The following AIRE variants were observed in gnomAD, a reference collection of about 807,000 sequenced individuals.
AIRE encodes autoimmune regulator.
AIRE carries 52 observed loss-of-function variants against 62.1 expected under a neutral mutation model. The ratio of observed to expected loss-of-function variants is 0.84; its 90% CI spans 0.67 to 1.06. The LOEUF (loss-of-function observed/expected upper bound fraction) is 1.06, where lower values mean the gene tolerates loss of function less well. Ranked by LOEUF, AIRE falls within the 50% of genes least tolerant of loss-of-function variation. The probability of loss-of-function intolerance (pLI) is 0.00; values close to 1 mark genes in which losing one functional copy is unlikely to be tolerated. For missense variants in AIRE, 774 were observed against 755.8 expected, an observed-to-expected ratio of 1.02 and a Z score of -0.28; for synonymous variants, 342 against 321.6, an observed-to-expected ratio of 1.06 and a Z score of -0.68.
At chr21:44,288,296 G>T in intron 4 of AIRE, 49 bp from the exon 5 acceptor site, 1 of 1,404,244 alleles carries the variant, frequency 7.1e-7, no homozygotes, top group Non-Finnish European at 1.0e-6. Flanking sequence ...GTATGTGCTT[G>T]GGAACAGTCT....
rs1308455198 is a variant in AIRE, at chr21:44,285,910, C to T, written c.-97C>T. On this transcript the variant is annotated 5_prime_UTR_variant, in exon 1 of 14. Transcript: ENST00000291582. ...GGCGGGCGCACAGCCGGCGCGGAGGCCCCACAGCCCCGCCGGGACCCGAGG... is the reference window on the plus strand; with the variant it reads ...GGCGGGCGCACAGCCGGCGCGGAGGTCCCACAGCCCCGCCGGGACCCGAGG... 1.8e-5 allele frequency: 23 copies of T among 1,251,810 alleles called. No homozygotes were observed. The South Asian group carries it at 2.8e-4, about 15-fold the overall frequency. 77.5% of individuals were successfully genotyped at this position (1,251,810 alleles called of 1,614,324 possible).
At chr21:44,292,903 C>A in intron 9 of AIRE, 90 bp from the exon 10 acceptor site, 1 of 1,278,912 alleles carries the variant, frequency 7.8e-7, no homozygotes, top group South Asian at 1.2e-5. Context: ...ACCCTGCTGC[C>A]CTGGGTTTCA....
chr21:44,292,234 C>T lies in AIRE; in HGVS notation c.996-68C>T, dbSNP rs915193021. On this transcript the variant is annotated intron_variant, in intron 8 of 13. Transcript: ENST00000291582. ...ATGGTCGGAGCCCTGGAGCTCCACCCGTGGGTTTGGGGATCTGTCACCCGC... is the reference window on the plus strand; with the variant it reads ...ATGGTCGGAGCCCTGGAGCTCCACCTGTGGGTTTGGGGATCTGTCACCCGC... The T allele has an allele frequency of 1.3e-5, 17 of 1,299,818 alleles. No homozygotes were observed. The Admixed American group carries it at 1.6e-4, about 12-fold the overall frequency. The allele number at this position is 1,299,818 out of a possible 1,614,324, so 80.5% of individuals were successfully genotyped here.
At position 44,296,395 on chromosome 21, in the gene AIRE, AG is replaced by A; in HGVS notation, c.1517del (p.Ser506IlefsTer15). ...TACTGGGTTCCAGGATGACACTGCC[AG>A]TCACGAGCCCGCTCTGCACAGGGAT... ...APGPAKDDTA[S>X]HEPALHRDDL... On this transcript the variant is annotated frameshift_variant, in exon 13 of 14. Coordinates refer to ENST00000291582, the MANE Select transcript of AIRE (RefSeq NM_000383.4). LOFTEE classifies it high-confidence loss of function. 1 of 1,612,476 alleles carries A rather than the reference AG, an allele frequency of 6.2e-7. No individual in the cohort carries two copies. The highest frequency in any genetic ancestry group is 1.1e-5 in the South Asian group (1 of 91,072).
chr21:44,290,424 T>C, intron 7 of AIRE: 1 of 985,378 alleles, frequency 1.0e-6, no homozygotes, highest in Non-Finnish European at 1.2e-6. Flanking sequence ...GTCCCCAGCA[T>C]GGTTTCTTAA....
At position 44,286,324 on chromosome 21, in the gene AIRE, C is replaced by T. The variant is rs371629103; in HGVS notation, c.132+186C>T. ...TAGAAGTTGGTCCCCTTCCCCCAGCCGTCCCCACACCTCACCCCCAAGCCA... is the reference window on the plus strand; with the variant it reads ...TAGAAGTTGGTCCCCTTCCCCCAGCTGTCCCCACACCTCACCCCCAAGCCA... On this transcript the variant is annotated intron_variant, in intron 1 of 13. Coordinates refer to ENST00000291582, the MANE Select transcript of AIRE (RefSeq NM_000383.4). This position sits in a 1 kb window ranked among gnomAD's most constrained non-coding sequence, Gnocchi z 6.0. Among the ~76,000 whole-genome samples the T allele has an allele frequency of 6.6e-6, 1 of 151,918 alleles. No homozygotes were observed. Among genetic ancestry groups the T allele is most frequent in the Admixed American group, 6.6e-5 (1 of 15,264 alleles).
chr21:44,291,628 C>T (rs567139069), intron 8 of AIRE, among the ~76,000 whole-genome samples: 1 of 152,302 alleles, frequency 6.6e-6, no homozygotes, highest in Non-Finnish European at 1.5e-5. Flanking sequence ...AGTTTGTCCA[C>T]CAATGCACAG....
Position 44,291,088 on chromosome 21 carries a change from G to A in AIRE, c.880-7G>A, listed in dbSNP as rs141955483. ...CAGTCTGCATGGGCGTCTCTTGCCT[G>A]TGCCAGAAGAATGAGGACGAGTGTG... On this transcript the variant is annotated splice_region_variant and splice_polypyrimidine_tract_variant and intron_variant, in intron 7 of 13. Coordinates refer to ENST00000291582, the MANE Select transcript of AIRE (RefSeq NM_000383.4). 2.0e-5 allele frequency: 33 copies of A among 1,613,008 alleles called. No individual in the cohort carries two copies. The African/African-American group carries it at 3.6e-4, about 18-fold the overall frequency.
rs2040498453 is a variant in AIRE, at chr21:44,287,762, C to T, written c.538+171C>T. On this transcript the variant is annotated intron_variant, in intron 4 of 13. Transcript: ENST00000291582. The surrounding 1 kb of genome is among the most constrained non-coding windows in gnomAD (Gnocchi z 4.3). ...ACCACCAGACCCAGGAAGGGGACAC[C>T]TTGGGTCTAAGCATGATCTTGCCAG... is the stretch of plus-strand genomic sequence containing the variant. Among the ~76,000 whole-genome samples the T allele has an allele frequency of 6.6e-6, 1 of 152,122 alleles. No individual in the cohort carries two copies. The highest frequency in any genetic ancestry group is 6.5e-5 in the Admixed American group (1 of 15,274).
At chr21:44,296,892 C>G (rs767835622) in intron 13 of AIRE, among the ~76,000 whole-genome samples, 18 of 152,156 alleles carry the variant, frequency 1.2e-4, no homozygotes, top group Non-Finnish European at 1.9e-4. Flanking sequence ...GGCCTCTCTA[C>G]GCTAAGATGG....
At chr21:44,296,500 C>G in intron 13 of AIRE, 55 bp downstream of exon 13, 1 of 1,534,962 alleles carries the variant, frequency 6.5e-7, no homozygotes, top group Non-Finnish European at 9.0e-7. Context: ...CCTGCCTCAG[C>G]CGGCACCCAG....
chr21:44,296,288 G>C lies in AIRE; in HGVS notation c.1504-95G>C, dbSNP rs2040606081. ...TGTAAGAATTCCCATCTCAGTGTGG[G>C]GGAAACACCCCCGCGGCCCCTAGGC... On this transcript the variant is annotated intron_variant, in intron 12 of 13. Coordinates refer to ENST00000291582, the MANE Select transcript of AIRE (RefSeq NM_000383.4). The C allele has an allele frequency of 8.8e-6, 10 of 1,141,766 alleles. No homozygotes were observed. In the East Asian group the frequency reaches 1.6e-4, roughly 19 times the overall value. The allele number at this position is 1,141,766 out of a possible 1,614,324, so 70.7% of individuals were successfully genotyped here.
chr21:44,286,237 GC>G lies in AIRE; in HGVS notation c.132+103del, dbSNP rs2040480762. The G allele has an allele frequency of 8.3e-7, 1 of 1,204,444 alleles. No individual in the cohort carries two copies. Among genetic ancestry groups the G allele is most frequent in the South Asian group, 1.4e-5 (1 of 73,954 alleles). The allele number at this position is 1,204,444 out of a possible 1,614,324, so 74.6% of individuals were successfully genotyped here. A position where few individuals can be genotyped will look rare whatever the true frequency, so the allele number is the denominator to read the frequency against. ...GGACCCCGCCCCTCCAGATCCCCAA[GC>G]CCCTCCAGCCTTCCCCAACTCCCTC... On this transcript the variant is annotated intron_variant, in intron 1 of 13. Transcript: ENST00000291582. This position sits in a 1 kb window ranked among gnomAD's most constrained non-coding sequence, Gnocchi z 6.0.
In AIRE at chr21:44,294,518, G is replaced by T. The variant is rs753294505; in HGVS notation, c.1503+15G>T. 5.8e-6 allele frequency: 8 copies of T among 1,383,456 alleles called. No homozygotes were observed. Among genetic ancestry groups the T allele is most frequent in the African/African-American group, 1.4e-5 (1 of 69,004 alleles). 85.7% of individuals were successfully genotyped at this position (1,383,456 alleles called of 1,614,324 possible). A position where few individuals can be genotyped will look rare whatever the true frequency, so the allele number is the denominator to read the frequency against. On this transcript the variant is annotated intron_variant, in intron 12 of 13. Coordinates refer to ENST00000291582, the MANE Select transcript of AIRE (RefSeq NM_000383.4). ...GGCCTGCCAAGGTCAGTGCCGCAGG[G>T]GCCCTCCATGCATGCCGGTGCTGGG...
chr21:44,290,288 C>T (rs977101988), intron 7 of AIRE: 1 of 985,330 alleles, frequency 1.0e-6, no homozygotes, highest in Non-Finnish European at 1.2e-6. Context: ...TCTTCTCAGG[C>T]TCTTAAGAGC....
At position 44,297,408 on chromosome 21, in the gene AIRE, A is replaced by T. The variant is rs1443755306; in HGVS notation, c.1567-248A>T. Among the ~76,000 whole-genome samples the T allele has an allele frequency of 3.3e-5, 5 of 151,868 alleles. No individual in the cohort carries two copies. The highest frequency in any genetic ancestry group is 9.7e-5 in the African/African-American group (4 of 41,388). Reference sequence around the variant, plus strand: ...TAGGATGTGGTGAAGTACACAGGACAGGGTCCTCGGTCTGGCCTGTGCCAT... The same window carrying T: ...TAGGATGTGGTGAAGTACACAGGACTGGGTCCTCGGTCTGGCCTGTGCCAT... On this transcript the variant is annotated intron_variant, in intron 13 of 13. Coordinates refer to ENST00000291582, the MANE Select transcript of AIRE (RefSeq NM_000383.4). This position sits in a 1 kb window ranked among gnomAD's most constrained non-coding sequence, Gnocchi z 4.8.
chr21:44,287,006 G>C lies in AIRE; in HGVS notation c.336G>C (p.Gly112=). 6.2e-7 allele frequency: 1 copy of C among 1,612,780 alleles called. No individual in the cohort carries two copies. The change falls in exon 3 of 14, where the codon GGG becomes GGC. Residue 112 remains glycine, a synonymous_variant. Transcript: ENST00000291582. The surrounding 1 kb of genome is among the most constrained non-coding windows in gnomAD (Gnocchi z 4.3). ...TGGACCTCAGCCAGCCCCGGAAGGGGAGGAAGCCCCCGGCCGTCCCCAAGG... is the reference window on the plus strand; with the variant it reads ...TGGACCTCAGCCAGCCCCGGAAGGGCAGGAAGCCCCCGGCCGTCCCCAAGG... ...KDVDLSQPRK[G]RKPPAVPKAL...
chr21:44,288,609 TGGA>T, intron 5 of AIRE, 151 bp downstream of exon 5: 2 of 635,278 alleles, frequency 3.1e-6, no homozygotes, highest in South Asian at 1.9e-5. Context: ...CTGCTGACTT[TGGA>T]GGAGGAGGGT....
In AIRE at chr21:44,294,421, C is replaced by T; in HGVS notation, c.1421C>T (p.Ser474Phe). Residue 474 changes from serine (S) to phenylalanine (F), a missense_variant, in exon 12 of 14, where the codon TCC becomes TTC. Ser to Phe is a radical substitution (Grantham distance 155). Coordinates refer to ENST00000291582, the MANE Select transcript of AIRE (RefSeq NM_000383.4). ...SRPGTGLRCR[S>F]CSGDVTPAPV... The stretch of plus-strand genomic sequence containing the variant: ...TGCAGGACGGGCCTGCGCTGCAGAT[C>T]CTGCTCAGGAGACGTGACCCCAGCC... 6.3e-7 allele frequency: 1 copy of T among 1,579,226 alleles called. No homozygotes were observed. Among genetic ancestry groups the T allele is most frequent in the Non-Finnish European group, 8.5e-7 (1 of 1,170,390 alleles).
Sources: gnomAD v4.1 joint callset for allele counts (sites outside exome capture counted in the v4.1 genomes callset) on GRCh38, gnomAD v4.1.1 for gene constraint, Gnocchi (gnomAD v3.1) non-coding constraint, MANE v1.5 for transcripts, NCBI Gene and HGNC (gene_info 2026-07-23, HGNC 2026-07-21) for gene names.